The following LINGO1 variants were observed in gnomAD, a reference collection of about 807,000 sequenced individuals.
The protein encoded by LINGO1 is leucine rich repeat and Ig domain containing 1.
LINGO1 carries 11 observed loss-of-function variants against 37.3 expected under a neutral mutation model. The ratio of observed to expected loss-of-function variants is 0.29; its 90% CI spans 0.19 to 0.49. The LOEUF (loss-of-function observed/expected upper bound fraction) is 0.49. LINGO1 is among the 20% of genes least tolerant of loss of function. LINGO1 has a pLI of 0.99. For missense variants in LINGO1, 585 were observed against 878.2 expected (o/e 0.67, Z 4.22); for synonymous variants, 387 against 403.0 (o/e 0.96, Z 0.48).
At chr15:77,638,779 T>C (rs1025040136), upstream of LINGO1, among the ~76,000 whole-genome samples, 5 of 152,136 alleles carry the variant, frequency 3.3e-5, no homozygotes, top group African/African-American at 1.2e-4. Flanking sequence ...TGAGTCTCAG[T>C]TGCCCAGTGA....
In LINGO1 at chr15:77,615,893, T is replaced by C; in HGVS notation, c.14A>G (p.Lys5Arg). The change falls in exon 2 of 2, where the codon AAG becomes AGG. Residue 5 changes from lysine (K) to arginine (R), a missense_variant. Physicochemically the swap from Lys to Arg is conservative, Grantham distance 26 (BLOSUM62 2). Around this residue, in one of 4 missense-constraint regions of LINGO1, gnomAD observed 65 missense variants for 57.0 expected, o/e 1.14. Transcript: ENST00000355300. ...CCTCACGCCCCCCGCCAGCATCCTC[T>C]TGCTCACCTGCAGCCGGGAGCAAGC... MQVSKRMLAGGVRSM... is the reference protein window; with the variant it reads MQVSRRMLAGGVRSM... 1 of 1,468,512 alleles carries C rather than the reference T, an allele frequency of 6.8e-7. No homozygotes were observed. The highest frequency in any genetic ancestry group is 9.0e-7 in the Non-Finnish European group (1 of 1,116,308). The allele number at this position is 1,468,512 out of a possible 1,614,324, so 91.0% of individuals were successfully genotyped here. A position where few individuals can be genotyped will look rare whatever the true frequency, so the allele number is the denominator to read the frequency against.
chr15:77,662,165 C>T (rs1289983840), intron 3 of LINGO1, among the ~76,000 whole-genome samples: 1 of 152,184 alleles, frequency 6.6e-6, no homozygotes, highest in Non-Finnish European at 1.5e-5. Context: ...GTGTGTGACC[C>T]TGGCCTACAC....
intron 1 of LINGO1, chr15:77,785,157 G>A (rs1423719500): frequency 1.3e-5 from 2 of 152,244 alleles, no homozygotes; most frequent in Admixed American, 6.5e-5. Context: ...ACCCAAGTTG[G>A]GAGTGAGTCT....
intron 1 of LINGO1, among the ~76,000 whole-genome samples, chr15:77,621,116 G>A (rs1413138821): frequency 1.3e-5 from 2 of 151,566 alleles, no homozygotes; most frequent in East Asian, 1.9e-4. Flanking sequence ...GTGCAGTGGC[G>A]AGATCTTGGC....
intron 2 of LINGO1, among the ~76,000 whole-genome samples, chr15:77,793,983 G>A (rs1291138108): frequency 6.6e-6 from 1 of 152,146 alleles, no homozygotes; most frequent in Non-Finnish European, 1.5e-5. Flanking sequence ...AACAAGCCCT[G>A]CCAGACCCCC....
chr15:77,645,490 G>C (rs1310442342), intron 3 of LINGO1, among the ~76,000 whole-genome samples: 7 of 152,258 alleles, frequency 4.6e-5, no homozygotes, highest in Non-Finnish European at 1.0e-4. Flanking sequence ...GCTGAAGGTA[G>C]AGCGAGGTGG....
chr15:77,770,762 CCTAAG>C (rs138556123), intron 1 of LINGO1, among the ~76,000 whole-genome samples: 2,958 of 152,316 alleles, frequency 0.019, 92 homozygotes, highest in African/African-American at 0.068. Context: ...ACAGGCCCTT[CCTAAG>C]CCCTAAACTG....
At chr15:77,768,436 C>T (rs1034439052) in intron 1 of LINGO1, among the ~76,000 whole-genome samples, 5 of 152,142 alleles carry the variant, frequency 3.3e-5, no homozygotes, top group South Asian at 2.1e-4. Flanking sequence ...GACAAGACTA[C>T]AAAAAAGGCA....
intron 1 of LINGO1, among the ~76,000 whole-genome samples, chr15:77,775,991 C>G (rs1432067695): frequency 6.6e-6 from 1 of 152,154 alleles, no homozygotes; most frequent in African/African-American, 2.4e-5. Context: ...CCCATCCATC[C>G]CTCTCAATGT....
upstream of LINGO1, among the ~76,000 whole-genome samples, chr15:77,636,089 G>A (rs1404541800): frequency 2.6e-5 from 4 of 152,238 alleles, no homozygotes; most frequent in Admixed American, 6.5e-5. Flanking sequence ...TGAGAAGACC[G>A]AGGCTCTGGG....
chr15:77,630,243 G>A (rs1181745713), intron 1 of LINGO1, among the ~76,000 whole-genome samples: 1 of 151,994 alleles, frequency 6.6e-6, no homozygotes, highest in African/African-American at 2.4e-5. Flanking sequence ...ATGCCTCCGT[G>A]GGACCCTGCA....
intron 1 of LINGO1, among the ~76,000 whole-genome samples, chr15:77,694,794 C>A (rs1392547148): frequency 1.3e-5 from 2 of 152,354 alleles, no homozygotes; most frequent in Non-Finnish European, 2.9e-5. Context: ...TACCCCACAC[C>A]TACAGCTGCT....
At chr15:77,625,266 C>T (rs767308084) in intron 1 of LINGO1, among the ~76,000 whole-genome samples, 3 of 152,196 alleles carry the variant, frequency 2.0e-5, no homozygotes, top group Admixed American at 1.3e-4. Context: ...AATAGAATGA[C>T]GATGAGAATG....
At chr15:77,623,201 A>T (rs944063741) in intron 1 of LINGO1, among the ~76,000 whole-genome samples, 1 of 152,242 alleles carries the variant, frequency 6.6e-6, no homozygotes. Flanking sequence ...GTGTGAGCTC[A>T]GGCTGAAATA....
rs1389176503 is a variant in LINGO1, at chr15:77,613,720, A to G, written c.*324T>C. 5 of 326,744 alleles carry G rather than the reference A, an allele frequency of 1.5e-5. No homozygotes were observed. Among genetic ancestry groups the G allele is most frequent in the Non-Finnish European group, 2.2e-5 (4 of 177,786 alleles). 20.2% of individuals were successfully genotyped at this position (326,744 alleles called of 1,614,324 possible). ...CAAGTTTTCATAAAAATCCATAATTATTGAAACCCAAGTTACAGAGAAAGT... is the reference window on the plus strand; with the variant it reads ...CAAGTTTTCATAAAAATCCATAATTGTTGAAACCCAAGTTACAGAGAAAGT... On this transcript the variant is annotated 3_prime_UTR_variant, in exon 2 of 2. Transcript: ENST00000355300.
rs550228923 is a variant in LINGO1 at position 77,742,086 on chromosome 15, C to T, written c.-256-7033G>A. Among the ~76,000 whole-genome samples, 70 of 152,318 alleles carry T rather than the reference C, an allele frequency of 4.6e-4. 1 individual carries two copies. The highest frequency in any genetic ancestry group is 7.8e-4 in the Non-Finnish European group (53 of 68,030). On this transcript the variant is annotated intron_variant, in intron 1 of 3. Transcript: ENST00000561686. ...CATCCAAGCAGGGCGGGGCCTACTG[C>T]CAGGCACTGGTAAGATGAGAGGCCA...
At chr15:77,691,520 G>A (rs984468318) in intron 1 of LINGO1, among the ~76,000 whole-genome samples, 3 of 146,112 alleles carry the variant, frequency 2.1e-5, no homozygotes, top group Non-Finnish European at 4.6e-5. Context: ...TGTCCCTGGG[G>A]AAGGGTGTCA....
chr15:77,627,618 G>A (rs1019094782), intron 1 of LINGO1, among the ~76,000 whole-genome samples: 2 of 152,160 alleles, frequency 1.3e-5, no homozygotes, highest in African/African-American at 4.8e-5. Flanking sequence ...AGGTGCACAG[G>A]GGGGCTGTGC....
At chr15:77,682,552 C>T (rs559955557) in intron 2 of LINGO1, among the ~76,000 whole-genome samples, 18 of 151,930 alleles carry the variant, frequency 1.2e-4, no homozygotes, top group Non-Finnish European at 1.9e-4. Context: ...AGTCATGTAG[C>T]CCCCCAAGCC....
Sources: gnomAD v4.1 joint callset for allele counts (sites outside exome capture counted in the v4.1 genomes callset) on GRCh38, gnomAD v4.1.1 for gene constraint, gnomAD v4.1.1 regional missense constraint, MANE v1.5 for transcripts, NCBI Gene and HGNC (gene_info 2026-07-23, HGNC 2026-07-21) for gene names.